The following MCC variants were observed in gnomAD, a reference collection of about 807,000 sequenced individuals.
MCC encodes the protein colorectal mutant cancer protein.
In MCC, 90 loss-of-function variants were observed where a neutral mutation model predicts 116.2. The observed-to-expected ratio is 0.77, with a 90% CI of 0.65 to 0.92. The LOEUF (loss-of-function observed/expected upper bound fraction) is 0.92, where lower values mean the gene tolerates loss of function less well. Ranked by LOEUF, MCC falls within the 40% of genes least tolerant of loss-of-function variation. The probability of loss-of-function intolerance (pLI) is 0.00; values close to 1 mark genes in which losing one functional copy is unlikely to be tolerated. For missense variants in MCC, 1,516 were observed against 1,312.2 expected, an observed-to-expected ratio of 1.16 and a Z score of -2.40; for synonymous variants, 578 against 510.5, an observed-to-expected ratio of 1.13 and a Z score of -1.78.
At chr5:113,310,657 T>G (rs1415962155) in intron 3 of MCC, among the ~76,000 whole-genome samples, 1 of 152,210 alleles carries the variant, frequency 6.6e-6, no homozygotes, top group Non-Finnish European at 1.5e-5. Context: ...CACCTTCCAC[T>G]ACTGTCACTA....
intron 3 of MCC, among the ~76,000 whole-genome samples, chr5:113,182,119 C>A (rs540080221): frequency 3.3e-5 from 5 of 152,210 alleles, no homozygotes; most frequent in African/African-American, 9.6e-5. Flanking sequence ...TTGTTCCTTA[C>A]CTGTCAATTT....
chr5:113,440,841 T>A (rs1771015894), intron 1 of MCC, among the ~76,000 whole-genome samples: 1 of 152,170 alleles, frequency 6.6e-6, no homozygotes. Flanking sequence ...ACAATGCATA[T>A]AATTACTATG....
chr5:113,205,958 A>G (rs1762895871), intron 3 of MCC, among the ~76,000 whole-genome samples: 1 of 152,154 alleles, frequency 6.6e-6, no homozygotes, highest in Non-Finnish European at 1.5e-5. Context: ...CTGTTGCTTC[A>G]CTGCCTAGCC....
At chr5:113,097,924 A>T (rs879021318) in intron 8 of MCC, among the ~76,000 whole-genome samples, 1 of 152,246 alleles carries the variant, frequency 6.6e-6, no homozygotes, top group African/African-American at 2.4e-5. Context: ...AGAGAGGCCC[A>T]GGAGAGACAG....
chr5:113,361,991 G>A (rs1768560241), intron 2 of MCC, among the ~76,000 whole-genome samples: 1 of 152,136 alleles, frequency 6.6e-6, no homozygotes, highest in South Asian at 2.1e-4. Context: ...TGGTTCCCCA[G>A]CTTATAGATG....
At chr5:113,210,298 C>T (rs1208804660) in intron 3 of MCC, among the ~76,000 whole-genome samples, 2 of 152,180 alleles carry the variant, frequency 1.3e-5, no homozygotes, top group Non-Finnish European at 2.9e-5. Flanking sequence ...CTTCCCAATT[C>T]TCTCTTAAAT....
intron 4 of MCC, among the ~76,000 whole-genome samples, chr5:113,150,972 A>T (rs1759826344): frequency 6.6e-6 from 1 of 152,192 alleles, no homozygotes; most frequent in South Asian, 2.1e-4. Flanking sequence ...TGAGCCTGGG[A>T]AGTTGAGGCT....
chr5:113,364,238 G>GAAAAAAAAAAAAAAAAAAAAA (rs60976854), intron 2 of MCC, among the ~76,000 whole-genome samples: 1 of 49,422 alleles, frequency 2.0e-5, no homozygotes, highest in East Asian at 8.2e-4. Context: ...CTCAAAAACA[G>GAAAAAAAAAAAAAAAAAAAAA]AAAAAAAAAA....
At chr5:113,212,301 T>G (rs1410925678) in intron 3 of MCC, among the ~76,000 whole-genome samples, 1 of 152,150 alleles carries the variant, frequency 6.6e-6, no homozygotes, top group African/African-American at 2.4e-5. Context: ...ATGATACACA[T>G]TTCTTGCTCA....
chr5:113,403,871 T>C (rs1019049032), intron 1 of MCC, among the ~76,000 whole-genome samples: 3 of 152,144 alleles, frequency 2.0e-5, no homozygotes, highest in African/African-American at 7.2e-5. Flanking sequence ...TTTGTTTCTT[T>C]TTTTCTTTTT....
chr5:113,054,490 C>G (rs1291532495), intron 14 of MCC, among the ~76,000 whole-genome samples: 1 of 152,254 alleles, frequency 6.6e-6, no homozygotes. Context: ...ATGGCATGAT[C>G]CACAGATGCG....
chr5:113,185,102 T>C (rs1761834992), intron 3 of MCC, among the ~76,000 whole-genome samples: 1 of 152,174 alleles, frequency 6.6e-6, no homozygotes, highest in African/African-American at 2.4e-5. Flanking sequence ...AGACAGCCTC[T>C]GCACGATGGT....
intron 3 of MCC, among the ~76,000 whole-genome samples, chr5:113,256,724 C>T (rs1005239554): frequency 3.3e-5 from 5 of 152,108 alleles, no homozygotes; most frequent in South Asian, 4.1e-4. Context: ...GCTATCTGGC[C>T]GCTGCAGACA....
chr5:113,232,196 G>A (rs1420311387), intron 3 of MCC, among the ~76,000 whole-genome samples: 4 of 152,138 alleles, frequency 2.6e-5, no homozygotes, highest in Non-Finnish European at 5.9e-5. Flanking sequence ...AAGCATGAAA[G>A]TCACATCCAT....
intron 3 of MCC, among the ~76,000 whole-genome samples, chr5:113,168,502 G>A (rs981155847): frequency 6.6e-6 from 1 of 152,148 alleles, no homozygotes; most frequent in Non-Finnish European, 1.5e-5. Context: ...TGCTACATAA[G>A]TTAAATGATT....
intron 6 of MCC, among the ~76,000 whole-genome samples, chr5:113,119,038 C>G (rs2150267633): frequency 6.6e-6 from 1 of 152,348 alleles, no homozygotes; most frequent in East Asian, 1.9e-4. Context: ...GCTATGGAGT[C>G]CTAACTGCAC....
intron 3 of MCC, among the ~76,000 whole-genome samples, chr5:113,179,781 C>A (rs1761518554): frequency 6.6e-6 from 1 of 152,164 alleles, no homozygotes; most frequent in African/African-American, 2.4e-5. Context: ...ATAACACACA[C>A]AGGGAACATT....
chr5:113,109,800 C>A (rs1325507529), intron 6 of MCC, among the ~76,000 whole-genome samples: 1 of 151,850 alleles, frequency 6.6e-6, no homozygotes, highest in Non-Finnish European at 1.5e-5. Context: ...AAAAATTTTC[C>A]CCTGTGGGTT....
chr5:113,282,302 A>T (rs1394834353), intron 3 of MCC, among the ~76,000 whole-genome samples: 1 of 152,198 alleles, frequency 6.6e-6, no homozygotes, highest in South Asian at 2.1e-4. Context: ...TTAATGCCAA[A>T]TAAAGAAGAC....
Sources: allele counts gnomAD v4.1 joint callset (sites outside exome capture counted in the v4.1 genomes callset), GRCh38; gene constraint gnomAD v4.1.1; transcripts MANE v1.5; gene names NCBI Gene and HGNC (gene_info 2026-07-23, HGNC 2026-07-21).